The following ADPRM variants were observed in gnomAD, a reference collection of about 807,000 sequenced individuals.
The protein encoded by ADPRM is ADP-ribose/CDP-alcohol diphosphatase, manganese dependent, also known as manganese-dependent ADP-ribose/CDP-alcohol diphosphatase.
A neutral mutation model predicts 27.2 loss-of-function variants in ADPRM; 17 were observed. That is an observed-to-expected ratio of 0.63 (90% confidence interval 0.43 to 0.94). The LOEUF is 0.94. Among genes scored for constraint, ADPRM ranks in the 40% least tolerant of loss-of-function variants. The pLI is 0.00. For missense variants in ADPRM, 337 were observed against 412.8 expected (o/e 0.82, Z 1.59); for synonymous variants, 135 against 145.3 (o/e 0.93, Z 0.51).
rs149142114 is a variant in ADPRM at position 10,710,133 on chromosome 17, G to A, written c.719-701G>A. Among the ~76,000 whole-genome samples the A allele has an allele frequency of 5.6e-4, 85 of 152,244 alleles. 1 individual carries two copies. The Middle Eastern group carries it at 0.01, about 18-fold the overall frequency. On this transcript the variant is annotated intron_variant, in intron 3 of 3. Coordinates refer to ENST00000379774, the MANE Select transcript of ADPRM (RefSeq NM_020233.5). ...TTTTTATTTTTTGAGATGGAGTCTC[G>A]CTTTGTCACCCAGGCTGAAGTGTGG...
chr17:10,705,271 C>T lies in ADPRM; in HGVS notation c.345C>T (p.Asn115=). The change falls in exon 2 of 4, where the codon AAC becomes AAT. Residue 115 remains asparagine, a synonymous_variant. Transcript: ENST00000379774. The surrounding 1 kb of genome is among the most constrained non-coding windows in gnomAD (Gnocchi z 5.4). ...CATGGGGAAACCATGAATTCTATAA[C>T]TTCAGTAGAGAGTATTTAACACACT... The part of the protein sequence containing the change: ...HHTWGNHEFY[N]FSREYLTHSK... 1.2e-6 allele frequency: 2 copies of T among 1,614,002 alleles called. No homozygotes were observed. The highest frequency in any genetic ancestry group is 8.5e-7 in the Non-Finnish European group (1 of 1,179,924).
chr17:10,711,278 G>A lies in ADPRM; in HGVS notation c.*134G>A. ...TGTATTTATAGTTTCAGTGTGTGATGGTTGATAAAATACTCAGAAATGTTA... is the reference window on the plus strand; with the variant it reads ...TGTATTTATAGTTTCAGTGTGTGATAGTTGATAAAATACTCAGAAATGTTA... On this transcript the variant is annotated 3_prime_UTR_variant, in exon 4 of 4. Transcript: ENST00000379774. 1.4e-6 allele frequency: 1 copy of A among 733,918 alleles called. No homozygotes were observed. Among genetic ancestry groups the A allele is most frequent in the Non-Finnish European group, 2.2e-6 (1 of 461,564 alleles). 45.5% of individuals were successfully genotyped at this position (733,918 alleles called of 1,614,324 possible). A position where few individuals can be genotyped will look rare whatever the true frequency, so the allele number is the denominator to read the frequency against.
chr17:10,699,435 C>T (rs989734559), intron 1 of ADPRM, among the ~76,000 whole-genome samples: 1 of 151,314 alleles, frequency 6.6e-6, no homozygotes, highest in Non-Finnish European at 1.5e-5. Flanking sequence ...GACCTTATCA[C>T]TTTTATTACT....
rs1173617518 is a variant in ADPRM at position 10,710,976 on chromosome 17, T to A, written c.861T>A (p.Asp287Glu). 1 of 1,614,082 alleles carries A rather than the reference T, an allele frequency of 6.2e-7. No homozygotes were observed. The highest frequency in any genetic ancestry group is 8.5e-7 in the Non-Finnish European group (1 of 1,179,960). The change falls in exon 4 of 4, where the codon GAT (aspartate) becomes GAA (glutamate). Residue 287 changes from aspartate (D) to glutamate (E), a missense_variant. By Grantham distance (45) the Asp-to-Glu change is conservative. Transcript: ENST00000379774. ...GHTHDGGYSEDPFGVYHVNLE... is the reference protein window; with the variant it reads ...GHTHDGGYSEEPFGVYHVNLE... ...CCCATGATGGTGGCTACTCTGAGGA[T>A]CCTTTTGGTGTATACCACGTCAACC...
chr17:10,707,058 T>C (rs541695907), intron 3 of ADPRM, among the ~76,000 whole-genome samples: 1 of 152,342 alleles, frequency 6.6e-6, no homozygotes, highest in East Asian at 1.9e-4. Flanking sequence ...TTTTGTTTTT[T>C]GAACCTTCTC....
At position 10,705,785 on chromosome 17, in the gene ADPRM, T is replaced by C. The variant is rs146096587; in HGVS notation, c.601+258T>C. 3.5e-3 allele frequency: 1,734 copies of C among 488,988 alleles called. 7 individuals carry two copies. The highest frequency in any genetic ancestry group is 4.8e-3 in the Non-Finnish European group (1,320 of 275,376). The allele number at this position is 488,988 out of a possible 1,614,324, so 30.3% of individuals were successfully genotyped here. ...CGAGCTGTAAACAATACTAACAATA[T>C]TACTTTTTTGATGGATGGAATGGAG... On this transcript the variant is annotated intron_variant, in intron 2 of 3. Transcript: ENST00000379774. The surrounding 1 kb of genome is among the most constrained non-coding windows in gnomAD (Gnocchi z 5.4).
chr17:10,703,284 C>T (rs1243624813), intron 1 of ADPRM, among the ~76,000 whole-genome samples: 1 of 152,078 alleles, frequency 6.6e-6, no homozygotes, highest in Admixed American at 6.5e-5. Context: ...ATCAGATTAC[C>T]TCTCATTTAT....
chr17:10,705,712 T>G lies in ADPRM; in HGVS notation c.601+185T>G. Reference sequence around the variant, plus strand: ...GATTCAAGATTGATTTAACAGATATTTTAAATGCCTATTTTAGGCCAGGCA... The same window carrying G: ...GATTCAAGATTGATTTAACAGATATGTTAAATGCCTATTTTAGGCCAGGCA... On this transcript the variant is annotated intron_variant, in intron 2 of 3. Transcript: ENST00000379774. This position sits in a 1 kb window ranked among gnomAD's most constrained non-coding sequence, Gnocchi z 5.4. 2 of 980,106 alleles carry G rather than the reference T, an allele frequency of 2.0e-6. No individual in the cohort carries two copies. The highest frequency in any genetic ancestry group is 2.9e-6 in the Non-Finnish European group (2 of 691,042). The allele number at this position is 980,106 out of a possible 1,614,324, so 60.7% of individuals were successfully genotyped here.
intron 1 of ADPRM, 58 bp from the exon 2 acceptor site, chr17:10,704,852 G>A: frequency 1.5e-6 from 2 of 1,353,594 alleles, no homozygotes; most frequent in Non-Finnish European, 2.0e-6. Context: ...ATTTTCTTAA[G>A]TGAAATTGGG....
Position 10,707,686 on chromosome 17 carries a change from A to G in ADPRM, c.718+1132A>G, listed in dbSNP as rs570466403. ...CCAAACAGAGGCCACTGCTGCCCAG[A>G]TGCAGCAAAACTGGTATCACAGGGC... On this transcript the variant is annotated intron_variant, in intron 3 of 3. Coordinates refer to ENST00000379774, the MANE Select transcript of ADPRM (RefSeq NM_020233.5). Among the ~76,000 whole-genome samples, 37 of 152,330 alleles carry G rather than the reference A, an allele frequency of 2.4e-4. No homozygotes were observed. The East Asian group carries it at 6.2e-3, about 25-fold the overall frequency.
intron 1 of ADPRM, chr17:10,698,413 C>G (rs2074749973): frequency 6.6e-6 from 1 of 152,030 alleles, no homozygotes; most frequent in Non-Finnish European, 1.5e-5. Context: ...TTATTTATAT[C>G]TTAATATCCG....
At chr17:10,701,517 G>C (rs1034135907) in intron 1 of ADPRM, among the ~76,000 whole-genome samples, 1 of 151,742 alleles carries the variant, frequency 6.6e-6, no homozygotes, top group Non-Finnish European at 1.5e-5. Flanking sequence ...TTTTAGTAGA[G>C]ATGGGGTTTC....
Position 10,704,949 on chromosome 17 carries a change from A to C in ADPRM, c.23A>C (p.Glu8Ala). Residue 8 changes from glutamate (E) to alanine (A), a missense_variant, in exon 2 of 4, where the codon GAA becomes GCA. Glu to Ala is a moderately radical substitution (Grantham distance 107). Coordinates refer to ENST00000379774, the MANE Select transcript of ADPRM (RefSeq NM_020233.5). MDDKPNP[E>A]ALSDSSERLF... ...GTTATGGATGATAAACCCAATCCTG[A>C]AGCCCTAAGTGACAGTTCAGAGCGT... 6.2e-7 allele frequency: 1 copy of C among 1,607,558 alleles called. No individual in the cohort carries two copies. Among genetic ancestry groups the C allele is most frequent in the Non-Finnish European group, 8.5e-7 (1 of 1,177,640 alleles).
chr17:10,710,754 GT>G, intron 3 of ADPRM, 79 bp from the exon 4 acceptor site: 1 of 1,357,174 alleles, frequency 7.4e-7, no homozygotes, highest in Non-Finnish European at 1.0e-6. Flanking sequence ...CTTTTTCTGA[GT>G]ACTAGCTTTT....
intron 1 of ADPRM, among the ~76,000 whole-genome samples, chr17:10,699,704 A>T (rs966440407): frequency 6.6e-6 from 1 of 151,498 alleles, no homozygotes; most frequent in African/African-American, 2.4e-5. Flanking sequence ...TAAAAAATAT[A>T]TATATTTTTA....
rs1368332090 is a variant in ADPRM, at chr17:10,705,585, C to G, written c.601+58C>G. The G allele has an allele frequency of 2.2e-5, 35 of 1,571,798 alleles. No individual in the cohort carries two copies. The highest frequency in any genetic ancestry group is 2.8e-5 in the Non-Finnish European group (33 of 1,162,474). On this transcript the variant is annotated intron_variant, in intron 2 of 3. Transcript: ENST00000379774. The surrounding 1 kb of genome is among the most constrained non-coding windows in gnomAD (Gnocchi z 5.4). The stretch of plus-strand genomic sequence containing the variant: ...GATTGTCTTTAAATTCTTCAGCTAC[C>G]TTTTATTCAGCAGGAAGATGGACAA...
In ADPRM at chr17:10,706,498, G is replaced by T; in HGVS notation, c.662G>T (p.Trp221Leu). The T allele has an allele frequency of 6.3e-7, 1 of 1,599,018 alleles. No homozygotes were observed. Among genetic ancestry groups the T allele is most frequent in the Admixed American group, 1.8e-5 (1 of 56,494 alleles). Residue 221 changes from tryptophan to leucine, a missense_variant, in exon 3 of 4, where the codon TGG becomes TTG. Trp to Leu is a moderately conservative substitution (Grantham distance 61). Coordinates refer to ENST00000379774, the MANE Select transcript of ADPRM (RefSeq NM_020233.5). The stretch of plus-strand genomic sequence containing the variant: ...GGATTCAGCCAAGAACAGCTAAACT[G>T]GTTGAATGAAGTGCTAACATTCTCT... ...NGGFSQEQLNWLNEVLTFSDT... is the reference protein window; with the variant it reads ...NGGFSQEQLNLLNEVLTFSDT...
intron 3 of ADPRM, among the ~76,000 whole-genome samples, chr17:10,709,724 T>TAAAAAAAA (rs10690433): frequency 1.4e-3 from 202 of 149,500 alleles, no homozygotes; most frequent in African/African-American, 2.5e-3. Context: ...GTATGCACTT[T>TAAAAAAAA]AAAAAAAAAA....
chr17:10,705,699 A>T lies in ADPRM; in HGVS notation c.601+172A>T. 1 of 1,095,638 alleles carries T rather than the reference A, an allele frequency of 9.1e-7. No homozygotes were observed. Among genetic ancestry groups the T allele is most frequent in the African/African-American group, 1.6e-5 (1 of 62,994 alleles). 67.9% of individuals were successfully genotyped at this position (1,095,638 alleles called of 1,614,324 possible). ...ATTGGTTACAGTTGATTCAAGATTG[A>T]TTTAACAGATATTTTAAATGCCTAT... On this transcript the variant is annotated intron_variant, in intron 2 of 3. Transcript: ENST00000379774. The surrounding 1 kb of genome is among the most constrained non-coding windows in gnomAD (Gnocchi z 5.4).
Sources: allele counts gnomAD v4.1 joint callset (sites outside exome capture counted in the v4.1 genomes callset), GRCh38; gene constraint gnomAD v4.1.1; non-coding constraint Gnocchi (gnomAD v3.1); transcripts MANE v1.5; gene names NCBI Gene and HGNC (gene_info 2026-07-23, HGNC 2026-07-21).